The following MCF2L variants were observed in gnomAD, a reference collection of about 807,000 sequenced individuals.
MCF2L encodes the protein guanine nucleotide exchange factor DBS.
A neutral mutation model predicts 153.4 loss-of-function variants in MCF2L; 97 were observed. That is an observed-to-expected ratio of 0.63 (90% CI 0.54 to 0.75). MCF2L has a LOEUF of 0.75. Ranked by LOEUF, MCF2L falls within the 30% of genes least tolerant of loss-of-function variation. MCF2L has a pLI of 0.00. For synonymous variants in MCF2L, 659 were observed against 632.2 expected (o/e 1.04, Z -0.64); for missense variants, 1,347 against 1,495.2 (o/e 0.90, Z 1.64).
At chr13:113,091,225 A>G in intron 26 of MCF2L, 1 of 1,303,440 alleles carries the variant, frequency 7.7e-7, no homozygotes, top group Non-Finnish European at 1.0e-6. Flanking sequence ...CACGGCACCC[A>G]CTCTGCGTTG....
chr13:113,056,857 TCGGCGCTG>T (rs2029978475), intron 4 of MCF2L, among the ~76,000 whole-genome samples: 6 of 127,408 alleles, frequency 4.7e-5, no homozygotes, highest in South Asian at 2.7e-4. Flanking sequence ...GCTGAGTGTT[TCGGCGCTG>T]AGTGGGTGCT....
Position 112,991,390 on chromosome 13 carries a change from C to T in MCF2L, c.79+21932C>T, listed in dbSNP as rs929821215. On this transcript the variant is annotated intron_variant, in intron 1 of 29. Transcript: ENST00000535094. ...GGGGGGCATCTCCCAGGACCTGATT[C>T]GCTGTGTTTTGGGGGGTGTCTCTGA... Among the ~76,000 whole-genome samples the T allele has an allele frequency of 4.7e-5, 7 of 149,338 alleles. No individual in the cohort carries two copies. In the East Asian group the frequency reaches 5.9e-4, roughly 13 times the overall value.
intron 26 of MCF2L, among the ~76,000 whole-genome samples, chr13:113,091,939 G>A (rs1034270017): frequency 1.1e-4 from 17 of 152,266 alleles, no homozygotes; most frequent in East Asian, 3.9e-4. Flanking sequence ...ATGACACAGC[G>A]AGCCTCACAG....
At position 113,087,745 on chromosome 13, in the gene MCF2L, T is replaced by C. The variant is rs1317008903; in HGVS notation, c.2634T>C (p.Asp878=). Residue 878 remains aspartate, a synonymous_variant, in exon 23 of 30, where the codon GAT becomes GAC. Coordinates refer to ENST00000535094, the MANE Select transcript of MCF2L (RefSeq NM_001112732.3). Reference sequence around the variant, plus strand: ...GCATTACGGAGAACGTGAAGGGAGATGCTAAGAAGTTCGAGATCTGGTACA... The same window carrying C: ...GCATTACGGAGAACGTGAAGGGAGACGCTAAGAAGTTCGAGATCTGGTACA... ...AVGITENVKG[D]AKKFEIWYNA... 2 of 1,613,968 alleles carry C rather than the reference T, an allele frequency of 1.2e-6. No individual in the cohort carries two copies. The highest frequency in any genetic ancestry group is 1.7e-6 in the Non-Finnish European group (2 of 1,180,032).
At chr13:113,044,876 G>T in intron 3 of MCF2L, 1 of 1,612,942 alleles carries the variant, frequency 6.2e-7, no homozygotes, top group Non-Finnish European at 8.5e-7. Context: ...TCAGATGCCA[G>T]GACCGGCGTG....
intron 1 of MCF2L, among the ~76,000 whole-genome samples, chr13:112,990,894 G>T (rs1344842925): frequency 1.3e-5 from 2 of 152,234 alleles, no homozygotes; most frequent in Non-Finnish European, 2.9e-5. Flanking sequence ...TGAGGAGAGC[G>T]CAGCTGGCTG....
At chr13:113,088,650 C>A (rs1025411660) in intron 25 of MCF2L, 22 bp downstream of exon 25, 1 of 1,599,890 alleles carries the variant, frequency 6.3e-7, no homozygotes, top group Middle Eastern at 1.7e-4. Flanking sequence ...CACGCTGCCG[C>A]AGGCCTGCGT....
intron 2 of MCF2L, among the ~76,000 whole-genome samples, chr13:113,024,417 G>T (rs1417142198): frequency 6.6e-6 from 1 of 152,224 alleles, no homozygotes; most frequent in Non-Finnish European, 1.5e-5. Context: ...CTGTCCCATG[G>T]TGGCCAAAAT....
chr13:112,962,931 G>C (rs34890317), intron 2 of MCF2L, among the ~76,000 whole-genome samples: 99,008 of 151,670 alleles, frequency 0.65, 32,596 homozygotes, highest in Non-Finnish European at 0.71. Context: ...ACCCACTGCT[G>C]ACCAAGCATC....
At chr13:112,973,928 G>A (rs1359730443) in intron 1 of MCF2L, among the ~76,000 whole-genome samples, 4 of 152,076 alleles carry the variant, frequency 2.6e-5, no homozygotes, top group East Asian at 1.9e-4. Flanking sequence ...CCCTTTTCAC[G>A]CTGCACCTGT....
intron 3 of MCF2L, among the ~76,000 whole-genome samples, chr13:113,034,826 G>A (rs1396139864): frequency 1.3e-5 from 2 of 152,204 alleles, no homozygotes; most frequent in African/African-American, 2.4e-5. Context: ...GACAGTCCCC[G>A]GAGGTTAGGG....
chr13:112,912,600 A>G (rs1432123270), intron 2 of MCF2L, among the ~76,000 whole-genome samples: 1 of 152,222 alleles, frequency 6.6e-6, no homozygotes, highest in East Asian at 1.9e-4. Flanking sequence ...TACAGGTGTG[A>G]GTCCACCATG....
chr13:113,078,428 A>C lies in MCF2L; in HGVS notation c.1726A>C (p.Arg576=), dbSNP rs771512290. 5 of 1,611,594 alleles carry C rather than the reference A, an allele frequency of 3.1e-6. No homozygotes were observed. The East Asian group carries it at 1.1e-4, about 36-fold the overall frequency. Residue 576 remains arginine, a synonymous_variant, in exon 14 of 30, where the codon AGG becomes CGG. Transcript: ENST00000535094. ...GGALRRGPYR[R]AKSEMSESRQ... ...TGCGCTCCGGAGAGGGCCCTACCGG[A>C]GGGCCAAGGTGAGGCTTGCCCAAGA...
chr13:113,071,477 C>G (rs2032913654), intron 9 of MCF2L, among the ~76,000 whole-genome samples: 1 of 152,204 alleles, frequency 6.6e-6, no homozygotes, highest in African/African-American at 2.4e-5. Context: ...CAAGTATATT[C>G]CCCTAAGCCT....
At position 113,027,683 on chromosome 13, in the gene MCF2L, G is replaced by A. The variant is rs909518364; in HGVS notation, c.278+2925G>A. On this transcript the variant is annotated intron_variant, in intron 3 of 29. Coordinates refer to ENST00000535094, the MANE Select transcript of MCF2L (RefSeq NM_001112732.3). This position sits in a 1 kb window ranked among gnomAD's most constrained non-coding sequence, Gnocchi z 4.8. ...GACCGGCTTGGTGGGGCAAGGCTGC[G>A]ATGCTGCAGACGGTTTCCACACATT... Among the ~76,000 whole-genome samples, 4 of 152,214 alleles carry A rather than the reference G, an allele frequency of 2.6e-5. No individual in the cohort carries two copies. The highest frequency in any genetic ancestry group is 4.4e-5 in the Non-Finnish European group (3 of 68,040).
intron 26 of MCF2L, chr13:113,090,314 ACAGACAC>A (rs1332151550): frequency 1.5e-5 from 18 of 1,222,316 alleles, no homozygotes; most frequent in Non-Finnish European, 1.9e-5. Flanking sequence ...TGTCTCGCGC[ACAGACAC>A]CAGAGTTATT....
At position 113,030,446 on chromosome 13, in the gene MCF2L, A is replaced by G. The variant is rs372813230; in HGVS notation, c.278+5688A>G. Among the ~76,000 whole-genome samples the G allele has an allele frequency of 6.3e-3, 679 of 107,846 alleles. 11 individuals are homozygous for G. Among genetic ancestry groups the G allele is most frequent in the African/African-American group, 0.023 (634 of 28,104 alleles). 70.8% of individuals were successfully genotyped at this position (107,846 alleles called of 152,430 possible). On this transcript the variant is annotated intron_variant, in intron 3 of 29. Transcript: ENST00000535094. ...CCGCCGACGCCCGGTGTGGACTCTCAGGTGTCCGCTGACGCAGGTGTGGGC... is the reference window on the plus strand; with the variant it reads ...CCGCCGACGCCCGGTGTGGACTCTCGGGTGTCCGCTGACGCAGGTGTGGGC...
chr13:113,029,657 C>T (rs1300699262), intron 3 of MCF2L, among the ~76,000 whole-genome samples: 2 of 152,124 alleles, frequency 1.3e-5, no homozygotes, highest in Non-Finnish European at 2.9e-5. Context: ...AAGGTGGGGG[C>T]GGGGCTGCCC....
chr13:112,956,281 A>C (rs2081756530), intron 2 of MCF2L: 1 of 152,256 alleles, frequency 6.6e-6, no homozygotes, highest in African/African-American at 2.4e-5. Context: ...TTAAAAAAAG[A>C]AAATGTTTCA....
Sources: allele counts gnomAD v4.1 joint callset (sites outside exome capture counted in the v4.1 genomes callset), GRCh38; gene constraint gnomAD v4.1.1; non-coding constraint Gnocchi (gnomAD v3.1); transcripts MANE v1.5; gene names NCBI Gene and HGNC (gene_info 2026-07-23, HGNC 2026-07-21).